Variants in DIAPH3 observed in about 807,000 individuals in gnomAD.
The protein encoded by DIAPH3 is diaphanous related formin 3, also known as protein diaphanous homolog 3.
Under a neutral mutation model 144.3 loss-of-function variants are expected in DIAPH3, and 117 were observed. The ratio of observed to expected loss-of-function variants is 0.81; its 90% CI spans 0.70 to 0.95. The LOEUF is 0.95. Ranked by LOEUF, DIAPH3 falls within the 40% of genes least tolerant of loss-of-function variation. The pLI is 0.00. For synonymous variants in DIAPH3, 519 were observed against 488.9 expected (o/e 1.06, Z -0.81); for missense variants, 1,421 against 1,412.7 (o/e 1.01, Z -0.09).
intron 4 of DIAPH3, among the ~76,000 whole-genome samples, chr13:60,078,254 A>G (rs1011093357): frequency 1.3e-5 from 2 of 152,152 alleles, no homozygotes; most frequent in Non-Finnish European, 2.9e-5. Context: ...CTCAACTACT[A>G]ACTCAATAGG....
intron 16 of DIAPH3, 33 bp downstream of exon 16, chr13:59,970,819 G>C (rs1396240354): frequency 6.3e-7 from 1 of 1,584,852 alleles, no homozygotes; most frequent in Middle Eastern, 2.3e-4. Context: ...TTAGATCTAA[G>C]TAAAAGTATT....
At chr13:59,852,936 T>A (rs1475089613) in intron 22 of DIAPH3, among the ~76,000 whole-genome samples, 1 of 152,202 alleles carries the variant, frequency 6.6e-6, no homozygotes, top group African/African-American at 2.4e-5. Context: ...ACCCACACTA[T>A]AAGAAACATG....
At chr13:59,798,076 C>T (rs148779269) in intron 25 of DIAPH3, among the ~76,000 whole-genome samples, 4 of 152,258 alleles carry the variant, frequency 2.6e-5, no homozygotes, top group African/African-American at 9.6e-5. Context: ...AGTATTCTCC[C>T]TGTCTCCCCA....
chr13:60,059,599 T>C (rs2056687800), intron 4 of DIAPH3, among the ~76,000 whole-genome samples: 1 of 151,994 alleles, frequency 6.6e-6, no homozygotes, highest in Admixed American at 6.6e-5. Flanking sequence ...TGTTTTTATT[T>C]TGGATCTTCA....
At chr13:60,050,334 G>C (rs2056276750) in intron 4 of DIAPH3, among the ~76,000 whole-genome samples, 1 of 152,160 alleles carries the variant, frequency 6.6e-6, no homozygotes, top group African/African-American at 2.4e-5. Context: ...GAATGAACTT[G>C]GCATATTTAG....
chr13:59,714,187 C>T (rs1017615597), intron 27 of DIAPH3, among the ~76,000 whole-genome samples: 1 of 151,494 alleles, frequency 6.6e-6, no homozygotes, highest in South Asian at 2.1e-4. Flanking sequence ...GGTGAAACCC[C>T]GTCTCTACTA....
At chr13:59,983,693 C>T (rs1045636528) in intron 13 of DIAPH3, 76 bp downstream of exon 13, 22 of 1,016,846 alleles carry the variant, frequency 2.2e-5, no homozygotes, top group Admixed American at 1.8e-4. Context: ...AGACACAACC[C>T]GAGAACCAAT....
intron 17 of DIAPH3, among the ~76,000 whole-genome samples, chr13:59,953,851 T>C (rs1332115042): frequency 2.0e-5 from 3 of 152,204 alleles, no homozygotes; most frequent in Non-Finnish European, 4.4e-5. Flanking sequence ...ATAGTTTGCA[T>C]TATTGTCTTT....
At chr13:59,929,226 A>G (rs1292442858) in intron 17 of DIAPH3, among the ~76,000 whole-genome samples, 1 of 152,212 alleles carries the variant, frequency 6.6e-6, no homozygotes, top group Admixed American at 6.5e-5. Flanking sequence ...AGCATTTCAG[A>G]TAAGGGATAT....
intron 1 of DIAPH3, among the ~76,000 whole-genome samples, chr13:60,138,914 G>C (rs1271187248): frequency 6.6e-6 from 1 of 151,790 alleles, no homozygotes; most frequent in African/African-American, 2.4e-5. Context: ...GCTGATAATA[G>C]GTTGAGATGT....
At chr13:59,885,567 T>A (rs1432587572) in intron 20 of DIAPH3, among the ~76,000 whole-genome samples, 1 of 151,998 alleles carries the variant, frequency 6.6e-6, no homozygotes, top group Non-Finnish European at 1.5e-5. Flanking sequence ...TGTATCTACT[T>A]TCCTGCTGAT....
At chr13:59,863,303 T>C (rs1014528803) in intron 21 of DIAPH3, among the ~76,000 whole-genome samples, 1 of 152,116 alleles carries the variant, frequency 6.6e-6, no homozygotes, top group African/African-American at 2.4e-5. Context: ...ATCAGTCTTT[T>C]CTACCAGAAT....
At chr13:59,945,719 T>C (rs931271748) in intron 17 of DIAPH3, among the ~76,000 whole-genome samples, 2 of 151,880 alleles carry the variant, frequency 1.3e-5, no homozygotes, top group African/African-American at 4.8e-5. Flanking sequence ...ACAAAGCTGC[T>C]GGGCTAGGAA....
chr13:59,958,424 C>G (rs191143274), intron 17 of DIAPH3, among the ~76,000 whole-genome samples: 4 of 152,018 alleles, frequency 2.6e-5, no homozygotes, highest in African/African-American at 9.7e-5. Context: ...AGTTTATCAA[C>G]AGGCAATGTA....
intron 27 of DIAPH3, among the ~76,000 whole-genome samples, chr13:59,707,065 G>A (rs1048326827): frequency 2.0e-5 from 3 of 152,160 alleles, no homozygotes; most frequent in Non-Finnish European, 4.4e-5. Context: ...ATATCCATCT[G>A]TCTGAGAAAA....
intron 16 of DIAPH3, among the ~76,000 whole-genome samples, 169 bp downstream of exon 16, chr13:59,970,683 A>T (rs963479216): frequency 8.0e-5 from 12 of 149,964 alleles, no homozygotes; most frequent in Non-Finnish European, 1.8e-4. Context: ...CCAATACTTT[A>T]AAAAAAAAGC....
intron 4 of DIAPH3, among the ~76,000 whole-genome samples, chr13:60,082,579 G>C (rs1006996205): frequency 1.3e-5 from 2 of 151,794 alleles, no homozygotes; most frequent in Non-Finnish European, 2.9e-5. Context: ...AGATCCTATA[G>C]TATTATTCAA....
chr13:59,873,677 CTTTTTTTTTT>C (rs57461813), intron 21 of DIAPH3, among the ~76,000 whole-genome samples: 2 of 128,914 alleles, frequency 1.6e-5, no homozygotes, highest in Non-Finnish European at 3.3e-5. Context: ...ACCACTTTTT[CTTTTTTTTTT>C]TTTTTTTTCA....
intron 27 of DIAPH3, among the ~76,000 whole-genome samples, chr13:59,766,630 G>A (rs7984582): frequency 0.34 from 51,931 of 151,826 alleles, 9,363 homozygotes; most frequent in African/African-American, 0.44. Context: ...CTAAGTCTTA[G>A]CCCCACACCT....
Sources: gnomAD v4.1 joint callset for allele counts (sites outside exome capture counted in the v4.1 genomes callset) on GRCh38, gnomAD v4.1.1 for gene constraint, MANE v1.5 for transcripts, NCBI Gene and HGNC (gene_info 2026-07-23, HGNC 2026-07-21) for gene names.